NOL10: variants seen among roughly 807,000 people sequenced by gnomAD.
NOL10 encodes H_NH0074G24.1.
NOL10 carries 58 observed loss-of-function variants against 103.5 expected under a neutral mutation model. That is an observed-to-expected ratio of 0.56 (90% CI 0.45 to 0.70). The LOEUF is 0.70. Among genes scored for constraint, NOL10 ranks in the 30% least tolerant of loss-of-function variants. The pLI is 0.00. For synonymous variants in NOL10, 287 were observed against 282.5 expected (o/e 1.02, Z -0.16); for missense variants, 763 against 807.3 (o/e 0.95, Z 0.67).
chr2:10,621,300 C>A (rs1572308285), intron 13 of NOL10, among the ~76,000 whole-genome samples: 1 of 152,116 alleles, frequency 6.6e-6, no homozygotes, highest in East Asian at 1.9e-4. Flanking sequence ...ATAATTCAAT[C>A]AAAAATTTAA....
At chr2:10,584,397 T>C (rs1674920034) in intron 19 of NOL10, among the ~76,000 whole-genome samples, 1 of 152,156 alleles carries the variant, frequency 6.6e-6, no homozygotes, top group Non-Finnish European at 1.5e-5. Flanking sequence ...GGCATAAAAA[T>C]ATGTGTCAAC....
intron 12 of NOL10, among the ~76,000 whole-genome samples, chr2:10,651,762 T>C (rs1210954450): frequency 6.6e-6 from 1 of 152,172 alleles, no homozygotes; most frequent in Admixed American, 6.5e-5. Context: ...ACCGAGACCC[T>C]GGTGTAGGTC....
In NOL10 at chr2:10,604,069, C is replaced by T. The variant is rs115562470; in HGVS notation, c.1154-912G>A. On this transcript the variant is annotated intron_variant, in intron 14 of 20. Coordinates refer to ENST00000381685, the MANE Select transcript of NOL10 (RefSeq NM_024894.4). Reference sequence around the variant, plus strand: ...CAGGCATTAGATTCTCACAAGGAGCCCACAACCTAGATCCCTCGCATGTGC... The same window carrying T: ...CAGGCATTAGATTCTCACAAGGAGCTCACAACCTAGATCCCTCGCATGTGC... Among the ~76,000 whole-genome samples the T allele has an allele frequency of 8.3e-3, 1,267 of 152,286 alleles. 10 individuals carry two copies. The highest frequency in any genetic ancestry group is 0.02 in the Admixed American group (306 of 15,290).
Position 10,571,846 on chromosome 2 carries a change from G to C in NOL10, c.*225C>G, listed in dbSNP as rs1353075486. The C allele has an allele frequency of 7.2e-6, 3 of 417,000 alleles. No individual in the cohort carries two copies. The highest frequency in any genetic ancestry group is 6.1e-5 in the African/African-American group (3 of 49,472). 25.8% of individuals were successfully genotyped at this position (417,000 alleles called of 1,614,324 possible). ...GGGGAAAGGACAATGTTTCCAGGGAGCAACGACTCGCAAGCACACCCCTGG... is the reference window on the plus strand; with the variant it reads ...GGGGAAAGGACAATGTTTCCAGGGACCAACGACTCGCAAGCACACCCCTGG... On this transcript the variant is annotated 3_prime_UTR_variant, in exon 21 of 21. Transcript: ENST00000381685.
chr2:10,580,157 T>C (rs1674670340), intron 19 of NOL10, among the ~76,000 whole-genome samples: 1 of 152,224 alleles, frequency 6.6e-6, no homozygotes, highest in Non-Finnish European at 1.5e-5. Context: ...AACCCAGCAG[T>C]TCCACAGCCT....
chr2:10,680,919 G>A (rs914329163), intron 3 of NOL10, among the ~76,000 whole-genome samples: 4 of 152,152 alleles, frequency 2.6e-5, no homozygotes, highest in Non-Finnish European at 4.4e-5. Context: ...TACTGTTAAT[G>A]TAAAATCTTA....
intron 20 of NOL10, among the ~76,000 whole-genome samples, chr2:10,572,452 C>G (rs1674230281): frequency 6.6e-6 from 1 of 152,104 alleles, no homozygotes; most frequent in African/African-American, 2.4e-5. Context: ...AAGAGAAGGG[C>G]CCTGACAGAC....
At chr2:10,648,273 G>A (rs1679223824) in intron 12 of NOL10, among the ~76,000 whole-genome samples, 1 of 152,126 alleles carries the variant, frequency 6.6e-6, no homozygotes, top group Admixed American at 6.5e-5. Flanking sequence ...AAAAAAGAAA[G>A]ACAGTTTCAG....
intron 11 of NOL10, among the ~76,000 whole-genome samples, chr2:10,655,189 CAG>C (rs1434393723): frequency 3.7e-5 from 5 of 134,732 alleles, no homozygotes; most frequent in African/African-American, 8.5e-5. Flanking sequence ...CCTGGGGCGA[CAG>C]AGTGAGATTC....
chr2:10,686,972 C>A (rs1682257451), intron 1 of NOL10, among the ~76,000 whole-genome samples: 1 of 152,142 alleles, frequency 6.6e-6, no homozygotes. Flanking sequence ...GAGGTAAGGG[C>A]TAGAAACATC....
Position 10,673,660 on chromosome 2 carries a change from T to C in NOL10, c.290-103A>G, listed in dbSNP as rs1162557325. 1.4e-5 allele frequency: 9 copies of C among 649,260 alleles called. No homozygotes were observed. In the East Asian group the frequency reaches 2.5e-4, roughly 18 times the overall value. 40.2% of individuals were successfully genotyped at this position (649,260 alleles called of 1,614,324 possible). A position where few individuals can be genotyped will look rare whatever the true frequency, so the allele number is the denominator to read the frequency against. ...TAATTCAACACAGAAATTATATACA[T>C]ACCAGTTTTTTTCTGCCTCTACGTG... On this transcript the variant is annotated intron_variant, in intron 4 of 20. Transcript: ENST00000381685.
chr2:10,627,683 C>T (rs552658909), intron 13 of NOL10, among the ~76,000 whole-genome samples: 6 of 138,794 alleles, frequency 4.3e-5, no homozygotes, highest in Non-Finnish European at 7.6e-5. Context: ...TCAAAAAAAA[C>T]AAACAAACAA....
chr2:10,610,711 C>T (rs1676518042), intron 13 of NOL10, among the ~76,000 whole-genome samples: 1 of 152,186 alleles, frequency 6.6e-6, no homozygotes, highest in Admixed American at 6.5e-5. Flanking sequence ...TCTGATGTAG[C>T]TACATCACAG....
chr2:10,597,351 C>G (rs1309672650), intron 17 of NOL10, among the ~76,000 whole-genome samples: 3 of 152,164 alleles, frequency 2.0e-5, no homozygotes, highest in Admixed American at 2.0e-4. Flanking sequence ...CAAGGCAAAA[C>G]ATACCTTTCA....
chr2:10,681,241 T>C (rs1434319233), intron 3 of NOL10, among the ~76,000 whole-genome samples: 2 of 151,560 alleles, frequency 1.3e-5, no homozygotes, highest in Non-Finnish European at 2.9e-5. Flanking sequence ...AATGGGTAAA[T>C]AAACTGTGGC....
At chr2:10,668,400 C>T (rs1354206085) in intron 7 of NOL10, among the ~76,000 whole-genome samples, 2 of 151,918 alleles carry the variant, frequency 1.3e-5, no homozygotes, top group African/African-American at 2.4e-5. Flanking sequence ...AAGAACACTA[C>T]AAGTAATAAT....
At chr2:10,574,451 T>C (rs1674345327) in intron 20 of NOL10, among the ~76,000 whole-genome samples, 1 of 152,242 alleles carries the variant, frequency 6.6e-6, no homozygotes, top group South Asian at 2.1e-4. Context: ...ATCAAGATCA[T>C]CCTGGCTAAC....
intron 17 of NOL10, among the ~76,000 whole-genome samples, chr2:10,595,141 GGGC>G (rs1277254012): frequency 7.8e-6 from 1 of 128,478 alleles, no homozygotes; most frequent in African/African-American, 3.3e-5. Context: ...GAGGGGGAGG[GGGC>G]AGAGAGAGAG....
At chr2:10,627,599 C>T (rs1451462939) in intron 13 of NOL10, among the ~76,000 whole-genome samples, 1 of 151,810 alleles carries the variant, frequency 6.6e-6, no homozygotes, top group Non-Finnish European at 1.5e-5. Flanking sequence ...GGCGTGAACC[C>T]GGGAGGCGGA....
Sources: gnomAD v4.1 joint callset for allele counts (sites outside exome capture counted in the v4.1 genomes callset) on GRCh38, gnomAD v4.1.1 for gene constraint, MANE v1.5 for transcripts, NCBI Gene and HGNC (gene_info 2026-07-23, HGNC 2026-07-21) for gene names.